PITPNC1: variants seen among roughly 807,000 people sequenced by gnomAD.
PITPNC1 encodes cytoplasmic phosphatidylinositol transfer protein 1.
In PITPNC1, 18 loss-of-function variants were observed where a neutral mutation model predicts 44.7. The ratio of observed to expected loss-of-function variants is 0.40; its 90% CI spans 0.28 to 0.60. PITPNC1 has a LOEUF of 0.60. Among genes scored for constraint, PITPNC1 ranks in the 20% least tolerant of loss-of-function variants. The pLI is 0.39. For missense variants in PITPNC1, 290 were observed against 418.4 expected, an observed-to-expected ratio of 0.69 and a Z score of 2.68; for synonymous variants, 141 against 149.6, an observed-to-expected ratio of 0.94 and a Z score of 0.42.
chr17:67,381,045 T>C (rs1332994595), intron 1 of PITPNC1, among the ~76,000 whole-genome samples: 4 of 152,264 alleles, frequency 2.6e-5, no homozygotes, highest in African/African-American at 7.2e-5. Context: ...AGTGCTGGGA[T>C]TGCCGGGTGC....
chr17:67,437,834 G>A (rs536858703), intron 1 of PITPNC1, among the ~76,000 whole-genome samples: 93 of 152,252 alleles, frequency 6.1e-4, no homozygotes, highest in Admixed American at 2.4e-3. Flanking sequence ...TTGGGAGGCC[G>A]AGGCGGGCGG....
At chr17:67,503,438 C>T (rs1373733843) in intron 1 of PITPNC1, among the ~76,000 whole-genome samples, 3 of 152,086 alleles carry the variant, frequency 2.0e-5, no homozygotes, top group East Asian at 1.9e-4. Context: ...TCCATCTTGA[C>T]GGGGAGGGAG....
At chr17:67,425,110 T>C (rs1003079671) in intron 1 of PITPNC1, among the ~76,000 whole-genome samples, 16 of 151,752 alleles carry the variant, frequency 1.1e-4, no homozygotes, top group African/African-American at 3.9e-4. Context: ...TAAGAACTAA[T>C]GATAATCCAC....
At chr17:67,532,743 G>A in intron 1 of PITPNC1, 59 bp from the exon 2 acceptor site, 8 of 1,409,262 alleles carry the variant, frequency 5.7e-6, no homozygotes, top group Non-Finnish European at 7.7e-6. Flanking sequence ...TATGGTTGGA[G>A]GGGGATGTCA....
chr17:67,444,149 C>T (rs949688734), intron 1 of PITPNC1, among the ~76,000 whole-genome samples: 1 of 151,988 alleles, frequency 6.6e-6, no homozygotes, highest in Non-Finnish European at 1.5e-5. Flanking sequence ...GCTCTGCTAC[C>T]CCCATCCCTG....
chr17:67,473,967 C>G (rs2949917), intron 1 of PITPNC1, among the ~76,000 whole-genome samples: 65,865 of 152,106 alleles, frequency 0.43, 15,067 homozygotes, highest in African/African-American at 0.56. Context: ...TATCTATCCT[C>G]TCATTTATTT....
chr17:67,435,557 A>C (rs905960537), intron 1 of PITPNC1, among the ~76,000 whole-genome samples: 1 of 152,226 alleles, frequency 6.6e-6, no homozygotes, highest in Non-Finnish European at 1.5e-5. Flanking sequence ...CAAGGACACA[A>C]ATAATACAGT....
At position 67,551,022 on chromosome 17, in the gene PITPNC1, G is replaced by C. The variant is rs1041693886; in HGVS notation, c.198-1235G>C. Among the ~76,000 whole-genome samples the C allele has an allele frequency of 9.2e-5, 14 of 152,088 alleles. No homozygotes were observed. In the South Asian group the frequency reaches 1.2e-3, roughly 14 times the overall value. ...CTTGCAGTGAGCCGAGACTGCACCAGTGCACTCCAGCCTGGGTGACAGAGC... is the reference window on the plus strand; with the variant it reads ...CTTGCAGTGAGCCGAGACTGCACCACTGCACTCCAGCCTGGGTGACAGAGC... On this transcript the variant is annotated intron_variant, in intron 2 of 8. Coordinates refer to ENST00000581322, the MANE Select transcript of PITPNC1 (RefSeq NM_012417.4).
chr17:67,590,859 A>G lies in PITPNC1; in HGVS notation c.366+12602A>G, dbSNP rs574923374. 3.9e-5 allele frequency among the ~76,000 whole-genome samples: 6 copies of G among 152,198 alleles called. No homozygotes were observed. The East Asian group carries it at 1.2e-3, about 29-fold the overall frequency. On this transcript the variant is annotated intron_variant, in intron 5 of 8. Coordinates refer to ENST00000581322, the MANE Select transcript of PITPNC1 (RefSeq NM_012417.4). The stretch of plus-strand genomic sequence containing the variant: ...TCCCAGCTACTGGGGAGGCTGAGGC[A>G]GGAGAATCACTTGAACCTGGGAGAT...
At chr17:67,583,307 G>A (rs1387947221) in intron 5 of PITPNC1, among the ~76,000 whole-genome samples, 2 of 152,142 alleles carry the variant, frequency 1.3e-5, no homozygotes, top group East Asian at 3.9e-4. Context: ...AATCACCTGG[G>A]CCAGGCGGGG....
intron 1 of PITPNC1, among the ~76,000 whole-genome samples, chr17:67,442,204 C>CATGTAT (rs1178533056): frequency 1.8e-5 from 1 of 54,218 alleles, no homozygotes; most frequent in African/African-American, 5.0e-5. Context: ...GGAAAATAAG[C>CATGTAT]ATATATATAT....
At chr17:67,396,010 T>A (rs967676997) in intron 1 of PITPNC1, among the ~76,000 whole-genome samples, 1 of 152,236 alleles carries the variant, frequency 6.6e-6, no homozygotes, top group African/African-American at 2.4e-5. Flanking sequence ...CTCTTTTGGA[T>A]TGCGTTTGAC....
At chr17:67,395,447 C>T (rs2143809104) in intron 1 of PITPNC1, among the ~76,000 whole-genome samples, 1 of 152,240 alleles carries the variant, frequency 6.6e-6, no homozygotes, top group African/African-American at 2.4e-5. Flanking sequence ...CCACACCTGG[C>T]CTGGACAGGT....
At chr17:67,464,071 T>C (rs2143981751) in intron 1 of PITPNC1, among the ~76,000 whole-genome samples, 1 of 152,004 alleles carries the variant, frequency 6.6e-6, no homozygotes, top group South Asian at 2.1e-4. Context: ...CTCGTGCCTG[T>C]AATCCCAGCT....
intron 1 of PITPNC1, among the ~76,000 whole-genome samples, chr17:67,450,674 G>T (rs551799292): frequency 6.6e-6 from 1 of 152,052 alleles, no homozygotes; most frequent in East Asian, 1.9e-4. Flanking sequence ...TGATCCACCC[G>T]CATCAGACTC....
At chr17:67,650,441 C>CTTTTTTT (rs34611864) in intron 6 of PITPNC1, among the ~76,000 whole-genome samples, 51 of 71,002 alleles carry the variant, frequency 7.2e-4, no homozygotes, top group South Asian at 1.1e-3. Flanking sequence ...AAACCATAGG[C>CTTTTTTT]TTTTTTTTTT....
chr17:67,615,961 T>A (rs1163375872), intron 5 of PITPNC1, among the ~76,000 whole-genome samples: 1 of 152,084 alleles, frequency 6.6e-6, no homozygotes, highest in East Asian at 1.9e-4. Context: ...TGAGGCTACT[T>A]TGCACCAAAA....
At chr17:67,638,895 G>C (rs1028421606) in intron 6 of PITPNC1, 1 of 152,062 alleles carries the variant, frequency 6.6e-6, no homozygotes. Flanking sequence ...AGGATCACTT[G>C]AGGCCAGGAT....
chr17:67,487,889 G>A (rs927852159), intron 1 of PITPNC1, among the ~76,000 whole-genome samples: 2 of 152,170 alleles, frequency 1.3e-5, no homozygotes, highest in Admixed American at 6.5e-5. Context: ...CTTATACCCT[G>A]TATAGGATCA....
Sources: gnomAD v4.1 joint callset for allele counts (sites outside exome capture counted in the v4.1 genomes callset) on GRCh38, gnomAD v4.1.1 for gene constraint, MANE v1.5 for transcripts, NCBI Gene and HGNC (gene_info 2026-07-23, HGNC 2026-07-21) for gene names.